Variants in SINHCAF observed in about 807,000 individuals in gnomAD.
The protein encoded by SINHCAF is SIN3-HDAC complex associated factor, also known as SIN3-HDAC complex-associated factor.
Under a neutral mutation model 25.8 loss-of-function variants are expected in SINHCAF, and 3 were observed. The observed-to-expected ratio is 0.12, with a 90% CI of 0.05 to 0.30. The LOEUF is 0.30. SINHCAF is among the 10% of genes least tolerant of loss of function. The probability of loss-of-function intolerance (pLI) is 1.00; values close to 1 mark genes in which losing one functional copy is unlikely to be tolerated. For synonymous variants in SINHCAF, 70 were observed against 85.5 expected (o/e 0.82, Z 1.00); for missense variants, 121 against 262.3 (o/e 0.46, Z 3.72).
intron 4 of SINHCAF, among the ~76,000 whole-genome samples, chr12:31,289,325 A>G (rs1592958162): frequency 6.6e-6 from 1 of 152,336 alleles, no homozygotes; most frequent in East Asian, 1.9e-4. Context: ...AGCCCAACAG[A>G]ATAAACCCAA....
intron 1 of SINHCAF, among the ~76,000 whole-genome samples, chr12:31,314,921 G>A (rs962781491): frequency 2.0e-5 from 3 of 152,202 alleles, no homozygotes; most frequent in Non-Finnish European, 4.4e-5. Flanking sequence ...TTCTAAAGGT[G>A]GAATCAGATG....
At chr12:31,306,032 T>C (rs1351596623) in intron 1 of SINHCAF, among the ~76,000 whole-genome samples, 1 of 152,152 alleles carries the variant, frequency 6.6e-6, no homozygotes, top group Non-Finnish European at 1.5e-5. Context: ...ACCTGGGCAG[T>C]AAAATAAGTT....
intron 1 of SINHCAF, among the ~76,000 whole-genome samples, chr12:31,301,014 C>G (rs1229911002): frequency 2.6e-5 from 4 of 152,170 alleles, no homozygotes. Context: ...TTCCCTTCCC[C>G]CAAATAAACA....
At chr12:31,321,224 A>C (rs528534739) in intron 1 of SINHCAF, among the ~76,000 whole-genome samples, 2 of 152,352 alleles carry the variant, frequency 1.3e-5, no homozygotes, top group South Asian at 2.1e-4. Flanking sequence ...ATCAAAACTT[A>C]AGTGTGGGAA....
At chr12:31,304,078 C>T (rs1056029233) in intron 1 of SINHCAF, 2 of 149,270 alleles carry the variant, frequency 1.3e-5, no homozygotes, top group Admixed American at 1.3e-4. Context: ...CATGATCACA[C>T]CACCACACTA....
intron 1 of SINHCAF, among the ~76,000 whole-genome samples, chr12:31,309,742 C>T (rs1397263669): frequency 2.7e-5 from 4 of 150,412 alleles, no homozygotes; most frequent in Non-Finnish European, 3.0e-5. Context: ...CTCGGCTCAC[C>T]GCAACCTCCG....
chr12:31,324,007 CAAGT>C lies in SINHCAF; in HGVS notation c.-21+2013_-21+2016del, dbSNP rs3214606. On this transcript the variant is annotated intron_variant, in intron 1 of 5. Coordinates refer to ENST00000337682, the MANE Select transcript of SINHCAF (RefSeq NM_001135812.2). This position sits in a 1 kb window ranked among gnomAD's most constrained non-coding sequence, Gnocchi z 5.5. ...ACTGCCGAGAGAGACGCCGAGCCAG[CAAGT>C]AAGAATGCTCCCTGGTGGATTTGTT... The C allele has an allele frequency of 0.016, 7,159 of 455,856 alleles. 386 individuals carry two copies. In the East Asian group the frequency reaches 0.18, roughly 12 times the overall value. The allele number at this position is 455,856 out of a possible 1,614,324, so 28.2% of individuals were successfully genotyped here. A position where few individuals can be genotyped will look rare whatever the true frequency, so the allele number is the denominator to read the frequency against.
At chr12:31,287,524 C>G in intron 5 of SINHCAF, 110 bp downstream of exon 5, 1 of 711,994 alleles carries the variant, frequency 1.4e-6, no homozygotes. Flanking sequence ...CCACTGCAAT[C>G]GTGTGTTACC....
Position 31,315,719 on chromosome 12 carries a change from T to A in SINHCAF, c.-21+10305A>T, listed in dbSNP as rs185784151. Among the ~76,000 whole-genome samples, 447 of 152,366 alleles carry A rather than the reference T, an allele frequency of 2.9e-3. 2 individuals carry two copies. Among genetic ancestry groups the A allele is most frequent in the African/African-American group, 0.01 (428 of 41,582 alleles). ...TGTGTTGATCAGTTTTTTCTTTTAT[T>A]TGCTTTCACAGGTGTAATAAATGTG... is the stretch of plus-strand genomic sequence containing the variant. On this transcript the variant is annotated intron_variant, in intron 1 of 5. Coordinates refer to ENST00000337682, the MANE Select transcript of SINHCAF (RefSeq NM_001135812.2).
chr12:31,301,741 T>TGG (rs1349079051), intron 1 of SINHCAF, among the ~76,000 whole-genome samples: 2 of 151,590 alleles, frequency 1.3e-5, no homozygotes, highest in Non-Finnish European at 2.9e-5. Context: ...ACCCATGAAA[T>TGG]GTTTAAAAAA....
chr12:31,285,414 T>TATACACACACAC (rs1366908542), intron 5 of SINHCAF, among the ~76,000 whole-genome samples: 1 of 43,916 alleles, frequency 2.3e-5, no homozygotes, highest in African/African-American at 7.2e-5. Flanking sequence ...TTTATATATA[T>TATACACACACAC]ACATACACAC....
At chr12:31,286,556 C>T (rs11615670) in intron 5 of SINHCAF, among the ~76,000 whole-genome samples, 2 of 150,586 alleles carry the variant, frequency 1.3e-5, no homozygotes, top group Non-Finnish European at 2.9e-5. Context: ...CCCAGCTACT[C>T]GGGAGGCTAA....
intron 3 of SINHCAF, 51 bp from the exon 4 acceptor site, chr12:31,293,982 T>TATCC: frequency 6.7e-7 from 1 of 1,488,068 alleles, no homozygotes; most frequent in Non-Finnish European, 9.0e-7. Flanking sequence ...GACACCAGTG[T>TATCC]ATCCCTTTGG....
At chr12:31,306,432 A>T (rs917876641) in intron 1 of SINHCAF, among the ~76,000 whole-genome samples, 7 of 152,210 alleles carry the variant, frequency 4.6e-5, no homozygotes, top group African/African-American at 1.7e-4. Flanking sequence ...CATGAGGGGT[A>T]TCTGATACCC....
At position 31,300,492 on chromosome 12, in the gene SINHCAF, T is replaced by C. The variant is rs74084412; in HGVS notation, c.-20-2268A>G. On this transcript the variant is annotated intron_variant, in intron 1 of 5. Transcript: ENST00000337682. ...TAGTTAAATGCTTGGGAATTTGATG[T>C]CTTTGAGAGGAAGAAAAATGAGGAA... Among the ~76,000 whole-genome samples, 871 of 152,286 alleles carry C rather than the reference T, an allele frequency of 5.7e-3. 16 individuals carry two copies. Among genetic ancestry groups the C allele is most frequent in the African/African-American group, 0.02 (849 of 41,554 alleles).
chr12:31,319,462 G>T (rs933366897), intron 1 of SINHCAF, among the ~76,000 whole-genome samples: 2 of 152,218 alleles, frequency 1.3e-5, no homozygotes, highest in Non-Finnish European at 2.9e-5. Context: ...CAGAGGCAGA[G>T]GTTGCAGTGA....
Position 31,281,844 on chromosome 12 carries a change from A to G in SINHCAF, c.*868T>C, listed in dbSNP as rs1937813243. ...TATGAAGGGAGGCACAGGATGCAAC[A>G]TATATAGTCAAGTTACCTCTCTGTA... On this transcript the variant is annotated 3_prime_UTR_variant, in exon 6 of 6. Transcript: ENST00000337682. 6.6e-6 allele frequency: 1 copy of G among 152,226 alleles called. No homozygotes were observed. The highest frequency in any genetic ancestry group is 2.4e-5 in the African/African-American group (1 of 41,456). 9.4% of individuals were successfully genotyped at this position (152,226 alleles called of 1,614,324 possible). A position where few individuals can be genotyped will look rare whatever the true frequency, so the allele number is the denominator to read the frequency against.
intron 1 of SINHCAF, among the ~76,000 whole-genome samples, chr12:31,306,929 T>C (rs1455500210): frequency 6.6e-6 from 1 of 152,222 alleles, no homozygotes; most frequent in Non-Finnish European, 1.5e-5. Context: ...CCAGCTTCAA[T>C]GACCATGGCA....
At chr12:31,314,397 G>A (rs991269744) in intron 1 of SINHCAF, among the ~76,000 whole-genome samples, 9 of 152,018 alleles carry the variant, frequency 5.9e-5, no homozygotes, top group Admixed American at 1.3e-4. Flanking sequence ...GTGGTGGCGG[G>A]CGCCTGTAAT....
Sources: allele counts gnomAD v4.1 joint callset (sites outside exome capture counted in the v4.1 genomes callset), GRCh38; gene constraint gnomAD v4.1.1; non-coding constraint Gnocchi (gnomAD v3.1); transcripts MANE v1.5; gene names NCBI Gene and HGNC (gene_info 2026-07-23, HGNC 2026-07-21).